Variants in NXN observed in about 807,000 individuals in gnomAD.
NXN encodes nucleoredoxin.
NXN carries 16 observed loss-of-function variants against 48.6 expected under a neutral mutation model. The ratio of observed to expected loss-of-function variants is 0.33; its 90% CI spans 0.22 to 0.50. The LOEUF (loss-of-function observed/expected upper bound fraction) is 0.50. Among genes scored for constraint, NXN ranks in the 20% least tolerant of loss-of-function variants. NXN has a pLI of 0.98. For missense variants in NXN, 492 were observed against 605.5 expected (o/e 0.81, Z 1.97); for synonymous variants, 281 against 269.6 (o/e 1.04, Z -0.41).
intron 5 of NXN, among the ~76,000 whole-genome samples, chr17:815,017 C>T (rs374108496): frequency 5.9e-5 from 9 of 152,330 alleles, no homozygotes; most frequent in East Asian, 1.9e-4. Context: ...CCACCCACCT[C>T]GGCCTCCCAA....
At chr17:972,173 G>A (rs945725477) in intron 1 of NXN, among the ~76,000 whole-genome samples, 4 of 152,034 alleles carry the variant, frequency 2.6e-5, no homozygotes, top group Non-Finnish European at 1.5e-5. Context: ...GGTGGCACAT[G>A]CGCCTATAAT....
chr17:884,706 G>A lies in NXN; in HGVS notation c.361-58628C>T, dbSNP rs558478369. On this transcript the variant is annotated intron_variant, in intron 1 of 7. Coordinates refer to ENST00000336868, the MANE Select transcript of NXN (RefSeq NM_022463.5). ...TTCTCCAGCCACCTAGCAGGGAAGT[G>A]GAGTCTTGAATCCAAACGTTCAGAT... 2.6e-5 allele frequency among the ~76,000 whole-genome samples: 4 copies of A among 152,280 alleles called. No individual in the cohort carries two copies. In the South Asian group the frequency reaches 8.3e-4, roughly 32 times the overall value.
chr17:929,025 A>G (rs1287191120), intron 1 of NXN, among the ~76,000 whole-genome samples: 1 of 152,238 alleles, frequency 6.6e-6, no homozygotes, highest in Admixed American at 6.5e-5. Flanking sequence ...GCCTTAAATT[A>G]GTGAATGGCA....
At chr17:966,606 CA>C in intron 1 of NXN, among the ~76,000 whole-genome samples, 1 of 152,226 alleles carries the variant, frequency 6.6e-6, no homozygotes, top group Admixed American at 6.5e-5. Context: ...TTCAGCCTCC[CA>C]AAGTGCTGGG....
At chr17:842,046 G>C (rs1358547178) in intron 1 of NXN, among the ~76,000 whole-genome samples, 1 of 152,138 alleles carries the variant, frequency 6.6e-6, no homozygotes, top group Non-Finnish European at 1.5e-5. Context: ...TGCGGCAGGA[G>C]AATCGCTTGA....
chr17:953,803 GAC>G (rs1410670536), intron 1 of NXN, among the ~76,000 whole-genome samples: 1 of 152,098 alleles, frequency 6.6e-6, no homozygotes. Context: ...TGGGCGTGGT[GAC>G]ACGCGCCTGT....
chr17:819,155 C>G (rs376475093), intron 5 of NXN: 30 of 418,858 alleles, frequency 7.2e-5, no homozygotes, highest in African/African-American at 4.9e-4. Context: ...CCGTGTTGTC[C>G]AAACTGGTCT....
At chr17:889,592 G>A (rs750338097) in intron 1 of NXN, among the ~76,000 whole-genome samples, 18 of 151,978 alleles carry the variant, frequency 1.2e-4, no homozygotes, top group African/African-American at 3.9e-4. Context: ...TAGGAGAATC[G>A]CTTGAACCCG....
rs190511448 is a variant in NXN at position 956,847 on chromosome 17, C to T, written c.360+22472G>A. ...TGCCCAAGATCTCAAAGCTGGAGAG[C>T]GGGAAAGATGGATCAGAACCAGGTC... On this transcript the variant is annotated intron_variant, in intron 1 of 7. Coordinates refer to ENST00000336868, the MANE Select transcript of NXN (RefSeq NM_022463.5). The surrounding 1 kb of genome is among the most constrained non-coding windows in gnomAD (Gnocchi z 4.1). Among the ~76,000 whole-genome samples, 308 of 152,218 alleles carry T rather than the reference C, an allele frequency of 2.0e-3. No homozygotes were observed. Among genetic ancestry groups the T allele is most frequent in the African/African-American group, 7.1e-3 (296 of 41,528 alleles).
At chr17:923,416 C>T (rs536024975) in intron 1 of NXN, among the ~76,000 whole-genome samples, 65 of 152,224 alleles carry the variant, frequency 4.3e-4, no homozygotes, top group African/African-American at 1.4e-3. Context: ...CTAGCTACCC[C>T]GGAGGCTGAG....
At chr17:841,679 CCTGACCATGGCACATCTCACG>C (rs1914321550) in intron 1 of NXN, among the ~76,000 whole-genome samples, 1 of 137,484 alleles carries the variant, frequency 7.3e-6, no homozygotes, top group African/African-American at 3.0e-5. Flanking sequence ...GCAGGTCCAC[CCTGACCATGGCACATCTCACG>C]CCGGTGAGCA....
intron 1 of NXN, among the ~76,000 whole-genome samples, chr17:876,520 C>T (rs2068217736): frequency 6.6e-6 from 1 of 152,132 alleles, no homozygotes; most frequent in Admixed American, 6.5e-5. Flanking sequence ...TGTACGTCTC[C>T]CCATCAATGA....
In NXN at chr17:825,905, A is replaced by ATG. The variant is rs1913074584; in HGVS notation, c.478+54_478+55dup. The ATG allele has an allele frequency of 4.5e-6, 5 of 1,108,130 alleles. No homozygotes were observed. The African/African-American group carries it at 7.7e-5, about 17-fold the overall frequency. 68.6% of individuals were successfully genotyped at this position (1,108,130 alleles called of 1,614,324 possible). On this transcript the variant is annotated intron_variant, in intron 2 of 7. Transcript: ENST00000336868. The surrounding 1 kb of genome is among the most constrained non-coding windows in gnomAD (Gnocchi z 4.1). ...GTGGGACGGAGATTAGCCTAAGGGC[A>ATG]TGGAGGAGGGAGGGCTGGGTAATAA...
At chr17:972,169 A>T (rs180829831) in intron 1 of NXN, among the ~76,000 whole-genome samples, 31 of 151,742 alleles carry the variant, frequency 2.0e-4, no homozygotes, top group East Asian at 5.8e-4. Context: ...GCGTGGTGGC[A>T]CATGCGCCTA....
At position 967,676 on chromosome 17, in the gene NXN, T is replaced by C. The variant is rs539316915; in HGVS notation, c.360+11643A>G. Among the ~76,000 whole-genome samples, 10 of 152,306 alleles carry C rather than the reference T, an allele frequency of 6.6e-5. No individual in the cohort carries two copies. The South Asian group carries it at 1.7e-3, about 25-fold the overall frequency. ...GCTTAAGGGATACAGCTACCAAATG[T>C]AATGGGCAAATTTTATTTGGATTCA... On this transcript the variant is annotated intron_variant, in intron 1 of 7. Transcript: ENST00000336868.
intron 1 of NXN, among the ~76,000 whole-genome samples, chr17:871,213 T>C (rs568221364): frequency 2.0e-5 from 3 of 151,880 alleles, no homozygotes; most frequent in East Asian, 3.9e-4. Flanking sequence ...TGGAGCCACA[T>C]TGGCAGCCAC....
chr17:844,074 C>G (rs1018653808), intron 1 of NXN, among the ~76,000 whole-genome samples: 1 of 151,118 alleles, frequency 6.6e-6, no homozygotes, highest in Non-Finnish European at 1.5e-5. Context: ...AAGGTGGAGA[C>G]CAGGCGGTGG....
At chr17:831,269 G>A (rs910041597) in intron 1 of NXN, among the ~76,000 whole-genome samples, 1 of 151,882 alleles carries the variant, frequency 6.6e-6, no homozygotes, top group African/African-American at 2.4e-5. Flanking sequence ...AGACCAGCCT[G>A]GGCAACATAG....
chr17:932,731 G>A lies in NXN; in HGVS notation c.360+46588C>T, dbSNP rs867408172. ...GCAGCGAGTGGGCTGTGTGGTCCCCGGACAAGCAGCTGAGTGGGTGGGGAG... is the reference window on the plus strand; with the variant it reads ...GCAGCGAGTGGGCTGTGTGGTCCCCAGACAAGCAGCTGAGTGGGTGGGGAG... On this transcript the variant is annotated intron_variant, in intron 1 of 7. Coordinates refer to ENST00000336868, the MANE Select transcript of NXN (RefSeq NM_022463.5). The surrounding 1 kb of genome is among the most constrained non-coding windows in gnomAD (Gnocchi z 4.1). Among the ~76,000 whole-genome samples the A allele has an allele frequency of 2.6e-5, 4 of 152,276 alleles. No homozygotes were observed. The highest frequency in any genetic ancestry group is 6.5e-5 in the Admixed American group (1 of 15,296).
Sources: gnomAD v4.1 joint callset for allele counts (sites outside exome capture counted in the v4.1 genomes callset) on GRCh38, gnomAD v4.1.1 for gene constraint, Gnocchi (gnomAD v3.1) non-coding constraint, MANE v1.5 for transcripts, NCBI Gene and HGNC (gene_info 2026-07-23, HGNC 2026-07-21) for gene names.